Variants in TNRC18 observed in about 807,000 individuals in gnomAD.
TNRC18 encodes trinucleotide repeat-containing gene 18 protein.
TNRC18 carries 69 observed loss-of-function variants against 226.7 expected under a neutral mutation model. That is an observed-to-expected ratio of 0.30 (90% CI 0.25 to 0.37). The LOEUF (loss-of-function observed/expected upper bound fraction) is 0.37, where lower values mean the gene tolerates loss of function less well. TNRC18 is among the 10% of genes least tolerant of loss of function. The pLI, the probability that TNRC18 is intolerant of heterozygous loss-of-function variation, is 1.00. For missense variants in TNRC18, 4,754 were observed against 4,256.6 expected (o/e 1.12, Z -3.25); for synonymous variants, 2,449 against 1,927.6 (o/e 1.27, Z -7.09).
rs537546802 is a variant in TNRC18, at chr7:5,307,421, G to C, written c.*685C>G. Reference sequence around the variant, plus strand: ...GGGGAGGGGCCAGGCGTGGCCGGGCGACAGTTTCAGCACCATTGGGGTTTT... The same window carrying C: ...GGGGAGGGGCCAGGCGTGGCCGGGCCACAGTTTCAGCACCATTGGGGTTTT... On this transcript the variant is annotated 3_prime_UTR_variant, in exon 30 of 30. Coordinates refer to ENST00000430969, the MANE Select transcript of TNRC18 (RefSeq NM_001080495.3). The C allele has an allele frequency of 3.0e-6, 1 of 329,414 alleles. No individual in the cohort carries two copies. The highest frequency in any genetic ancestry group is 2.2e-5 in the African/African-American group (1 of 45,540). The allele number at this position is 329,414 out of a possible 1,614,324, so 20.4% of individuals were successfully genotyped here.
rs62441157 is a variant in TNRC18 at position 5,308,115 on chromosome 7, C to A, written c.8898G>T (p.Val2966=). The A allele has an allele frequency of 5.8e-6, 9 of 1,550,832 alleles. No individual in the cohort carries two copies. Among genetic ancestry groups the A allele is most frequent in the Non-Finnish European group, 3.5e-6 (4 of 1,147,856 alleles). ...GMIFSTDGVP[V]LC ...GCAGGGCCCGGCGGGCTCAGCAGAG[C>A]ACGGGCACGCCGTCCGTGGAGAAGA... Residue 2966 remains valine, a synonymous_variant, in exon 30 of 30, where the codon GTG becomes GTT. Coordinates refer to ENST00000430969, the MANE Select transcript of TNRC18 (RefSeq NM_001080495.3).
chr7:5,391,067 C>T (rs1780262533), intron 3 of TNRC18, among the ~76,000 whole-genome samples: 1 of 152,176 alleles, frequency 6.6e-6, no homozygotes, highest in Non-Finnish European at 1.5e-5. Context: ...TCGAGACCAT[C>T]GAACCCTGCA....
Position 5,313,159 on chromosome 7 carries a change from CGCT to C in TNRC18, c.7729_7731del (p.Ser2577del), listed in dbSNP as rs750218256. 3.1e-3 allele frequency: 4,526 copies of C among 1,469,056 alleles called. 8 individuals are homozygous for C. Among genetic ancestry groups the C allele is most frequent in the African/African-American group, 0.011 (808 of 70,760 alleles). The allele number at this position is 1,469,056 out of a possible 1,614,324, so 91.0% of individuals were successfully genotyped here. ...TCCTCCTCCCCTTCTGTCTCCGAGCCGCTGCTGCTGCTGCTGCTGCTGCTGCTA... is the reference window on the plus strand; with the variant it reads ...TCCTCCTCCCCTTCTGTCTCCGAGCCGCTGCTGCTGCTGCTGCTGCTGCTA... On this transcript the variant is annotated inframe_deletion, in exon 27 of 30. Coordinates refer to ENST00000430969, the MANE Select transcript of TNRC18 (RefSeq NM_001080495.3).
intron 5 of TNRC18, among the ~76,000 whole-genome samples, chr7:5,382,432 C>G (rs983218822): frequency 6.6e-6 from 1 of 152,178 alleles, no homozygotes; most frequent in Non-Finnish European, 1.5e-5. Flanking sequence ...CGCCCCACAT[C>G]GCAGCCATTA....
chr7:5,338,986 C>T (rs1203358127), intron 18 of TNRC18, among the ~76,000 whole-genome samples: 1 of 150,182 alleles, frequency 6.7e-6, no homozygotes, highest in African/African-American at 2.4e-5. Context: ...CCACAACGTC[C>T]AAGACACACA....
Position 5,308,966 on chromosome 7 carries a change from G to A in TNRC18, c.8626-17C>T, listed in dbSNP as rs757386421. The A allele has an allele frequency of 1.9e-6, 3 of 1,594,228 alleles. No individual in the cohort carries two copies. The highest frequency in any genetic ancestry group is 2.3e-5 in the South Asian group (2 of 88,044). On this transcript the variant is annotated splice_polypyrimidine_tract_variant and intron_variant, in intron 28 of 29. Transcript: ENST00000430969. Reference sequence around the variant, plus strand: ...GTCCCAGTGCTGTGTGGGGGAGAGAGGAGGGGCTTGGGTGAGCCCGGGGGC... The same window carrying A: ...GTCCCAGTGCTGTGTGGGGGAGAGAAGAGGGGCTTGGGTGAGCCCGGGGGC...
At chr7:5,334,755 G>T (rs764703377) in intron 18 of TNRC18, among the ~76,000 whole-genome samples, 4 of 152,070 alleles carry the variant, frequency 2.6e-5, no homozygotes, top group African/African-American at 9.7e-5. Context: ...AACACCTGGC[G>T]TACGTAATCC....
intron 17 of TNRC18, among the ~76,000 whole-genome samples, chr7:5,349,107 G>A (rs1415581561): frequency 6.6e-6 from 1 of 152,218 alleles, no homozygotes. Context: ...GCGAGCTCTG[G>A]GTTTCTGGAT....
intron 1 of TNRC18, chr7:5,422,867 G>A (rs958575408): frequency 6.6e-6 from 1 of 152,242 alleles, no homozygotes; most frequent in East Asian, 1.9e-4. Context: ...GTCTTAAGGA[G>A]GCGATGAGCT....
chr7:5,395,743 G>A (rs1040832384), intron 2 of TNRC18, among the ~76,000 whole-genome samples: 1 of 152,220 alleles, frequency 6.6e-6, no homozygotes, highest in African/African-American at 2.4e-5. Context: ...TATAATCCCA[G>A]CACTCTGGGA....
At chr7:5,333,657 T>TGAGCACAGCCACCCAGCAC (rs1327512377) in intron 18 of TNRC18, among the ~76,000 whole-genome samples, 43 of 151,516 alleles carry the variant, frequency 2.8e-4, no homozygotes, top group African/African-American at 9.9e-4. Context: ...GCACAGCCTC[T>TGAGCACAGCCACCCAGCAC]GAGCACAGCC....
intron 2 of TNRC18, among the ~76,000 whole-genome samples, chr7:5,409,095 G>A (rs924967610): frequency 1.3e-5 from 2 of 152,098 alleles, no homozygotes; most frequent in Non-Finnish European, 2.9e-5. Flanking sequence ...TTTACAGAGG[G>A]CATTCAAGAA....
At chr7:5,364,554 A>T (rs1394521977) in intron 11 of TNRC18, among the ~76,000 whole-genome samples, 1 of 150,834 alleles carries the variant, frequency 6.6e-6, no homozygotes, top group Non-Finnish European at 1.5e-5. Context: ...CTGTAATCCC[A>T]GCACTTTGGG....
At position 5,312,071 on chromosome 7, in the gene TNRC18, G is replaced by C. The variant is rs1034164865; in HGVS notation, c.8388+432C>G. 3.3e-4 allele frequency among the ~76,000 whole-genome samples: 50 copies of C among 152,288 alleles called. No individual in the cohort carries two copies. Among genetic ancestry groups the C allele is most frequent in the African/African-American group, 1.1e-3 (46 of 41,562 alleles). On this transcript the variant is annotated intron_variant, in intron 27 of 29. Coordinates refer to ENST00000430969, the MANE Select transcript of TNRC18 (RefSeq NM_001080495.3). The surrounding 1 kb of genome is among the most constrained non-coding windows in gnomAD (Gnocchi z 6.3). ...GAATTGCTTGAACCCGGGAGGCAGA[G>C]GGTGCAGTAAGCCAAGATCACACCA...
At chr7:5,311,366 G>A (rs1437745692) in intron 27 of TNRC18, among the ~76,000 whole-genome samples, 2 of 152,232 alleles carry the variant, frequency 1.3e-5, no homozygotes, top group Non-Finnish European at 2.9e-5. Flanking sequence ...TTGTCTTCCA[G>A]GCCATATTGA....
chr7:5,405,025 G>A (rs1295597174), intron 2 of TNRC18, among the ~76,000 whole-genome samples: 2 of 152,054 alleles, frequency 1.3e-5, no homozygotes, highest in Non-Finnish European at 2.9e-5. Context: ...GCTGAGGCAG[G>A]AGAACTGCTT....
At chr7:5,405,150 G>A (rs1781380899) in intron 2 of TNRC18, among the ~76,000 whole-genome samples, 1 of 151,754 alleles carries the variant, frequency 6.6e-6, no homozygotes. Context: ...AAATTAGGCT[G>A]GGCACAGTGG....
rs769944913 is a variant in TNRC18 at position 5,309,304 on chromosome 7, A to C, written c.8453T>G (p.Met2818Arg). 20 of 1,613,890 alleles carry C rather than the reference A, an allele frequency of 1.2e-5. No homozygotes were observed. The South Asian group carries it at 2.1e-4, about 17-fold the overall frequency. ...FYKAIVRGKE[M>R]IRIGDCAVFL... Reference sequence around the variant, plus strand: ...CACGGCACAGTCCCCGATACGGATCATCTCCTTGCCGCGCACGATGGCCTT... The same window carrying C: ...CACGGCACAGTCCCCGATACGGATCCTCTCCTTGCCGCGCACGATGGCCTT... The change falls in exon 28 of 30, where the codon ATG becomes AGG. Residue 2818 changes from methionine (M) to arginine (R), a missense_variant. Physicochemically the swap from Met to Arg is moderately conservative, Grantham distance 91. Transcript: ENST00000430969. The surrounding 1 kb of genome is among the most constrained non-coding windows in gnomAD (Gnocchi z 5.7).
chr7:5,376,617 G>A (rs7804232), intron 8 of TNRC18, among the ~76,000 whole-genome samples: 17,110 of 152,174 alleles, frequency 0.11, 1,283 homozygotes, highest in African/African-American at 0.21. Flanking sequence ...CCCCACCCAG[G>A]GCTGCCTGTC....
Sources: gnomAD v4.1 joint callset for allele counts (sites outside exome capture counted in the v4.1 genomes callset) on GRCh38, gnomAD v4.1.1 for gene constraint, Gnocchi (gnomAD v3.1) non-coding constraint, MANE v1.5 for transcripts, NCBI Gene and HGNC (gene_info 2026-07-23, HGNC 2026-07-21) for gene names.